CADM2: variants seen among roughly 807,000 people sequenced by gnomAD.
The protein encoded by CADM2 is cell adhesion molecule 2.
A neutral mutation model predicts 49.8 loss-of-function variants in CADM2; 12 were observed. The observed-to-expected ratio is 0.24, with a 90% CI of 0.15 to 0.39. CADM2 has a LOEUF of 0.39. Among genes scored for constraint, CADM2 ranks in the 10% least tolerant of loss-of-function variants. The pLI, the probability that CADM2 is intolerant of heterozygous loss-of-function variation, is 1.00. For synonymous variants in CADM2, 214 were observed against 175.4 expected, an observed-to-expected ratio of 1.22 and a Z score of -1.74; for missense variants, 378 against 492.3, an observed-to-expected ratio of 0.77 and a Z score of 2.20.
chr3:85,609,102 C>G (rs1014632258), intron 1 of CADM2, among the ~76,000 whole-genome samples: 1 of 151,974 alleles, frequency 6.6e-6, no homozygotes, highest in African/African-American at 2.4e-5. Context: ...TACTTTGCAT[C>G]TCCACACTAG....
In CADM2 at chr3:86,073,576, C is replaced by A. The variant is rs568639595; in HGVS notation, c.*6793C>A. ...TACAGGGTTCCCATTTGCACTTCAT[C>A]TTTCAGTAAAGTCTTGTCAGAAAAA... On this transcript the variant is annotated 3_prime_UTR_variant, in exon 10 of 10. Coordinates refer to ENST00000383699, the MANE Select transcript of CADM2 (RefSeq NM_001167675.2). The A allele has an allele frequency of 1.3e-5, 2 of 151,932 alleles. No individual in the cohort carries two copies. The highest frequency in any genetic ancestry group is 2.9e-5 in the Non-Finnish European group (2 of 67,876). 9.4% of individuals were successfully genotyped at this position (151,932 alleles called of 1,614,324 possible).
intron 7 of CADM2, among the ~76,000 whole-genome samples, chr3:85,942,657 C>A (rs1193376033): frequency 6.6e-6 from 1 of 151,840 alleles, no homozygotes; most frequent in Non-Finnish European, 1.5e-5. Context: ...CTACAAAGGA[C>A]ATGAACTCAT....
intron 8 of CADM2, among the ~76,000 whole-genome samples, chr3:86,030,762 T>C (rs866862590): frequency 6.6e-6 from 1 of 151,910 alleles, no homozygotes; most frequent in Non-Finnish European, 1.5e-5. Context: ...ATAGCAAGTG[T>C]TCATAAATGA....
chr3:85,229,631 G>T (rs2042240303), intron 1 of CADM2, among the ~76,000 whole-genome samples: 1 of 152,194 alleles, frequency 6.6e-6, no homozygotes, highest in Non-Finnish European at 1.5e-5. Context: ...TCCTTTAAAA[G>T]AATTATATAC....
intron 8 of CADM2, among the ~76,000 whole-genome samples, chr3:86,032,347 G>A (rs1358292250): frequency 6.6e-6 from 1 of 151,758 alleles, no homozygotes; most frequent in East Asian, 1.9e-4. Context: ...GTTATGGCTA[G>A]AATAGACATC....
At chr3:85,449,052 A>AAAT (rs55971962) in intron 1 of CADM2, among the ~76,000 whole-genome samples, 1,102 of 107,414 alleles carry the variant, frequency 0.01, 19 homozygotes, top group African/African-American at 0.029. Flanking sequence ...TCCAACTCAA[A>AAAT]AATAATAATA....
intron 1 of CADM2, among the ~76,000 whole-genome samples, chr3:85,185,647 G>A (rs2041043394): frequency 6.6e-6 from 1 of 152,042 alleles, no homozygotes; most frequent in South Asian, 2.1e-4. Flanking sequence ...TTCTTGACAA[G>A]ATGAAAAGAG....
rs910980350 is a variant in CADM2 at position 85,278,603 on chromosome 3, A to G, written c.61+318935A>G. 3.3e-5 allele frequency among the ~76,000 whole-genome samples: 5 copies of G among 151,384 alleles called. No individual in the cohort carries two copies. In the East Asian group the frequency reaches 9.7e-4, roughly 29 times the overall value. On this transcript the variant is annotated intron_variant, in intron 1 of 9. Transcript: ENST00000383699. ...TCTCTTTAGAGTGCTCTTGCCATGC[A>G]TGCAGCCTTATAAACATATTAAGTA...
intron 1 of CADM2, among the ~76,000 whole-genome samples, chr3:85,126,350 T>A (rs1274149406): frequency 6.6e-6 from 1 of 152,066 alleles, no homozygotes; most frequent in Admixed American, 6.6e-5. Flanking sequence ...CTCACATACA[T>A]ATGGGTGGAG....
chr3:85,525,154 GTAAAAAAT>G (rs2061133161), intron 1 of CADM2, among the ~76,000 whole-genome samples: 1 of 152,010 alleles, frequency 6.6e-6, no homozygotes, highest in South Asian at 2.1e-4. Context: ...TTAAAGTATA[GTAAAAAAT>G]TAAAAAATAA....
chr3:85,398,900 T>C (rs755523148), intron 1 of CADM2, among the ~76,000 whole-genome samples: 9 of 152,320 alleles, frequency 5.9e-5, no homozygotes, highest in African/African-American at 9.6e-5. Flanking sequence ...TTCTGGATAG[T>C]AGCCCTTTGT....
chr3:85,601,130 G>A (rs1227664246), intron 1 of CADM2, among the ~76,000 whole-genome samples: 2 of 109,650 alleles, frequency 1.8e-5, no homozygotes, highest in African/African-American at 4.0e-5. Context: ...ATATATGTGT[G>A]TATATATATA....
chr3:85,024,177 G>A (rs1043547178), intron 1 of CADM2, among the ~76,000 whole-genome samples: 4 of 152,076 alleles, frequency 2.6e-5, no homozygotes, highest in African/African-American at 7.2e-5. Flanking sequence ...CAAATATCTC[G>A]CAAGTTATCA....
intron 1 of CADM2, among the ~76,000 whole-genome samples, chr3:85,050,291 C>T (rs893335770): frequency 2.0e-5 from 3 of 152,100 alleles, no homozygotes; most frequent in Non-Finnish European, 4.4e-5. Context: ...TACTGAAGTA[C>T]ACCTGTACCC....
intron 8 of CADM2, among the ~76,000 whole-genome samples, chr3:86,002,820 G>T (rs1730344622): frequency 6.6e-6 from 1 of 152,054 alleles, no homozygotes; most frequent in South Asian, 2.1e-4. Flanking sequence ...GAAATTTTAT[G>T]GATACCTCGT....
intron 1 of CADM2, among the ~76,000 whole-genome samples, chr3:85,708,936 A>T (rs1448599): frequency 0.49 from 72,885 of 149,712 alleles, 18,058 homozygotes; most frequent in African/African-American, 0.62. Flanking sequence ...TTGCTTTTTT[A>T]AAAAAAAAAA....
At chr3:85,083,557 T>A (rs1054103183) in intron 1 of CADM2, among the ~76,000 whole-genome samples, 3 of 152,132 alleles carry the variant, frequency 2.0e-5, no homozygotes, top group South Asian at 4.1e-4. Flanking sequence ...GTGCTGTCAA[T>A]GAAGTTGACA....
chr3:85,547,054 TAAAC>T (rs1191336926), intron 1 of CADM2, among the ~76,000 whole-genome samples: 2 of 151,704 alleles, frequency 1.3e-5, no homozygotes, highest in Non-Finnish European at 2.9e-5. Flanking sequence ...TTCAAGCTGA[TAAAC>T]AAAATATATT....
At chr3:85,352,095 C>A (rs2107241079) in intron 1 of CADM2, among the ~76,000 whole-genome samples, 2 of 152,104 alleles carry the variant, frequency 1.3e-5, no homozygotes, top group South Asian at 4.1e-4. Flanking sequence ...AATTTATCTC[C>A]TGATTTAAAA....
Sources: allele counts gnomAD v4.1 joint callset (sites outside exome capture counted in the v4.1 genomes callset), GRCh38; gene constraint gnomAD v4.1.1; transcripts MANE v1.5; gene names NCBI Gene and HGNC (gene_info 2026-07-23, HGNC 2026-07-21).